Variants in CNBD1 observed in about 807,000 individuals in gnomAD.
CNBD1 encodes the protein cyclic nucleotide-binding domain-containing protein 1.
A neutral mutation model predicts 54.4 loss-of-function variants in CNBD1; 71 were observed. That is an observed-to-expected ratio of 1.30 (90% confidence interval 1.08 to 1.59). The LOEUF (loss-of-function observed/expected upper bound fraction) is 1.59, where lower values mean the gene tolerates loss of function less well. Among genes scored for constraint, CNBD1 ranks in the 40% most tolerant of loss-of-function variants. The pLI is 0.00. For missense variants in CNBD1, 659 were observed against 518.0 expected (o/e 1.27, Z -2.64); for synonymous variants, 182 against 170.7 (o/e 1.07, Z -0.51).
Position 87,307,229 on chromosome 8 carries a change from T to C in CNBD1, c.1042+20558T>C, listed in dbSNP as rs541151692. The stretch of plus-strand genomic sequence containing the variant: ...TATGTACTTACAATGCAAACGAAAA[T>C]TGTATAAACAGAATTTGGAACAAAC... On this transcript the variant is annotated intron_variant, in intron 8 of 10. Coordinates refer to ENST00000518476, the MANE Select transcript of CNBD1 (RefSeq NM_173538.3). Among the ~76,000 whole-genome samples the C allele has an allele frequency of 2.0e-5, 3 of 152,278 alleles. No homozygotes were observed. The East Asian group carries it at 5.8e-4, about 29-fold the overall frequency.
intron 5 of CNBD1, among the ~76,000 whole-genome samples, chr8:87,222,794 T>C (rs1814370151): frequency 6.6e-6 from 1 of 152,166 alleles, no homozygotes; most frequent in Non-Finnish European, 1.5e-5. Flanking sequence ...CTAGTATTTT[T>C]AATTCTTTTT....
intron 2 of CNBD1, among the ~76,000 whole-genome samples, chr8:87,419,059 C>T (rs1473070161): frequency 6.6e-6 from 1 of 151,718 alleles, no homozygotes; most frequent in East Asian, 1.9e-4. Context: ...CCTGAATGTT[C>T]ACCAACTGAT....
intron 4 of CNBD1, among the ~76,000 whole-genome samples, chr8:87,122,800 A>G (rs1024393654): frequency 1.3e-5 from 2 of 151,934 alleles, no homozygotes; most frequent in Admixed American, 1.3e-4. Context: ...TCCCAAGAGC[A>G]TAATCTGAAG....
chr8:87,377,086 ATTTC>A (rs1388667225), intron 10 of CNBD1, among the ~76,000 whole-genome samples: 1 of 122,650 alleles, frequency 8.2e-6, no homozygotes, highest in Non-Finnish European at 1.7e-5. Flanking sequence ...ATTTTATTTT[ATTTC>A]TTATTTTTAT....
At chr8:87,072,373 T>G (rs1810776653) in intron 4 of CNBD1, among the ~76,000 whole-genome samples, 1 of 152,188 alleles carries the variant, frequency 6.6e-6, no homozygotes. Context: ...TTTTGCAGAC[T>G]TGTTTATGTG....
intron 4 of CNBD1, among the ~76,000 whole-genome samples, chr8:86,974,039 C>G (rs1330594400): frequency 6.6e-6 from 1 of 151,630 alleles, no homozygotes; most frequent in Non-Finnish European, 1.5e-5. Context: ...AAAATATACC[C>G]CAAACGGTTA....
At chr8:87,266,438 C>CTTTTTTTTTTTTTTTTT (rs72293236) in intron 6 of CNBD1, among the ~76,000 whole-genome samples, 1 of 50,120 alleles carries the variant, frequency 2.0e-5, no homozygotes, top group Non-Finnish European at 3.3e-5. Context: ...AAAAAAAAAT[C>CTTTTTTTTTTTTTTTTT]TTTTTTTTTT....
chr8:87,229,062 A>G (rs1814595008), intron 5 of CNBD1, among the ~76,000 whole-genome samples: 1 of 151,940 alleles, frequency 6.6e-6, no homozygotes, highest in Non-Finnish European at 1.5e-5. Context: ...GAACTCCCTG[A>G]CCCCTTGTGC....
chr8:87,385,748 C>T (rs976326326), downstream of CNBD1, among the ~76,000 whole-genome samples: 1 of 152,154 alleles, frequency 6.6e-6, no homozygotes, highest in African/African-American at 2.4e-5. Context: ...ATGTCCCTGT[C>T]TGACAGCTTT....
At chr8:87,428,076 A>G (rs1190797190) in intron 2 of CNBD1, among the ~76,000 whole-genome samples, 1 of 151,326 alleles carries the variant, frequency 6.6e-6, no homozygotes, top group Non-Finnish European at 1.5e-5. Flanking sequence ...GAAATTATCT[A>G]CCTGCTCTTG....
At chr8:87,171,125 G>T (rs560744176) in intron 4 of CNBD1, among the ~76,000 whole-genome samples, 14 of 152,190 alleles carry the variant, frequency 9.2e-5, no homozygotes, top group African/African-American at 3.1e-4. Flanking sequence ...AGTATTAATA[G>T]AATTCAGCAG....
intron 4 of CNBD1, among the ~76,000 whole-genome samples, chr8:86,949,484 T>C (rs1167418873): frequency 1.3e-5 from 2 of 152,174 alleles, no homozygotes; most frequent in Non-Finnish European, 2.9e-5. Context: ...AATTCCTGGG[T>C]ATTTAATTGT....
At chr8:87,358,129 G>A (rs1810457400) in intron 10 of CNBD1, among the ~76,000 whole-genome samples, 1 of 152,122 alleles carries the variant, frequency 6.6e-6, no homozygotes, top group African/African-American at 2.4e-5. Context: ...ACAACTTGCA[G>A]AACTATCAGT....
chr8:87,042,810 T>C (rs1810101112), intron 4 of CNBD1, among the ~76,000 whole-genome samples: 2 of 152,082 alleles, frequency 1.3e-5, no homozygotes, highest in South Asian at 2.1e-4. Flanking sequence ...GTAGATTGTA[T>C]TATAAATATG....
At chr8:86,962,804 A>AAAAAACC (rs1236801762) in intron 4 of CNBD1, among the ~76,000 whole-genome samples, 1 of 151,988 alleles carries the variant, frequency 6.6e-6, no homozygotes, top group Non-Finnish European at 1.5e-5. Flanking sequence ...CACAAAAAAC[A>AAAAAACC]AAAAACAAAA....
chr8:87,118,462 A>C (rs1376538452), intron 4 of CNBD1, among the ~76,000 whole-genome samples: 1 of 152,122 alleles, frequency 6.6e-6, no homozygotes, highest in Non-Finnish European at 1.5e-5. Context: ...GAAAATTTGA[A>C]GGAGTGAACT....
rs1260790655 is a variant in CNBD1, at chr8:87,182,736, G to C, written c.432-23257G>C. On this transcript the variant is annotated intron_variant, in intron 4 of 10. Coordinates refer to ENST00000518476, the MANE Select transcript of CNBD1 (RefSeq NM_173538.3). The surrounding 1 kb of genome is among the most constrained non-coding windows in gnomAD (Gnocchi z 4.1). ...CATGTCTTCTGCCCATTTTTAAATG[G>C]GGTTGTTTGCTTTTGCTTGTTGAAT... Among the ~76,000 whole-genome samples, 1 of 152,018 alleles carries C rather than the reference G, an allele frequency of 6.6e-6. No homozygotes were observed. The highest frequency in any genetic ancestry group is 6.6e-5 in the Admixed American group (1 of 15,266).
At chr8:86,882,687 T>A (rs1413822965) in intron 1 of CNBD1, among the ~76,000 whole-genome samples, 1 of 152,130 alleles carries the variant, frequency 6.6e-6, no homozygotes, top group African/African-American at 2.4e-5. Context: ...CCCAAATGAA[T>A]ATAAATCATT....
intron 8 of CNBD1, among the ~76,000 whole-genome samples, chr8:87,311,847 T>C (rs1274629997): frequency 6.6e-6 from 1 of 151,990 alleles, no homozygotes; most frequent in African/African-American, 2.4e-5. Flanking sequence ...ACACAGGAAC[T>C]GAAACCAAAT....
Sources: gnomAD v4.1 joint callset for allele counts (sites outside exome capture counted in the v4.1 genomes callset) on GRCh38, gnomAD v4.1.1 for gene constraint, Gnocchi (gnomAD v3.1) non-coding constraint, MANE v1.5 for transcripts, NCBI Gene and HGNC (gene_info 2026-07-23, HGNC 2026-07-21) for gene names.